Variants in SUN1 observed in about 807,000 individuals in gnomAD.
SUN1 encodes the protein SUN domain-containing protein 1.
Under a neutral mutation model 103.2 loss-of-function variants are expected in SUN1, and 61 were observed. That is an observed-to-expected ratio of 0.59 (90% CI 0.48 to 0.73). SUN1 has a LOEUF of 0.73. SUN1 is among the 30% of genes least tolerant of loss of function. The pLI is 0.00. For missense variants in SUN1, 1,052 were observed against 1,034.6 expected (o/e 1.02, Z -0.23); for synonymous variants, 490 against 425.7 (o/e 1.15, Z -1.86).
At chr7:858,063 A>T (rs1240967832) in intron 13 of SUN1, 106 bp downstream of exon 13, 3 of 1,325,156 alleles carry the variant, frequency 2.3e-6, no homozygotes, top group Non-Finnish European at 3.0e-6. Context: ...TTATTTATTT[A>T]TTTTTGAAAC....
intron 7 of SUN1, 98 bp from the exon 8 acceptor site, chr7:852,511 G>T: frequency 1.5e-5 from 20 of 1,372,442 alleles, no homozygotes; most frequent in Non-Finnish European, 1.9e-5. Flanking sequence ...AATACTGGGG[G>T]GGTGGATTTT....
chr7:837,529 C>T (rs1804650394), intron 1 of SUN1, among the ~76,000 whole-genome samples: 1 of 152,130 alleles, frequency 6.6e-6, no homozygotes, highest in Non-Finnish European at 1.5e-5. Context: ...ACGTTAAGGC[C>T]TAGTGGTCTT....
At chr7:854,853 G>A in intron 10 of SUN1, 67 bp from the exon 11 acceptor site, 1 of 1,203,142 alleles carries the variant, frequency 8.3e-7, no homozygotes, top group Non-Finnish European at 1.2e-6. Context: ...AAACGCCTTG[G>A]CCTGATTTGC....
In SUN1 at chr7:857,761, T is replaced by C. The variant is rs188527669; in HGVS notation, c.1395-67T>C. 484 of 1,454,824 alleles carry C rather than the reference T, an allele frequency of 3.3e-4. 1 individual carries two copies. In the African/African-American group the frequency reaches 6.4e-3, roughly 19 times the overall value. The allele number at this position is 1,454,824 out of a possible 1,614,324, so 90.1% of individuals were successfully genotyped here. ...GTGGGATCGGGTTCCCCTCAGCCTGTGTGTAGTGTGGGAAGCGTATAGGCT... is the reference window on the plus strand; with the variant it reads ...GTGGGATCGGGTTCCCCTCAGCCTGCGTGTAGTGTGGGAAGCGTATAGGCT... On this transcript the variant is annotated intron_variant, in intron 12 of 18. Coordinates refer to ENST00000401592, the MANE Select transcript of SUN1 (RefSeq NM_001130965.3).
chr7:851,855 T>C (rs1298210854), intron 6 of SUN1, 95 bp from the exon 7 acceptor site: 6 of 1,306,400 alleles, frequency 4.6e-6, no homozygotes, highest in Non-Finnish European at 6.5e-6. Flanking sequence ...TTCATCTTCA[T>C]GTGCTTCTAG....
At chr7:820,258 G>A (rs1257701554) in intron 1 of SUN1, among the ~76,000 whole-genome samples, 1 of 152,170 alleles carries the variant, frequency 6.6e-6, no homozygotes, top group African/African-American at 2.4e-5. Flanking sequence ...TTTCAACAAT[G>A]CTTTGTGATT....
chr7:861,316 C>G, intron 14 of SUN1, 64 bp from the exon 15 acceptor site: 1 of 1,567,174 alleles, frequency 6.4e-7, no homozygotes, highest in Non-Finnish European at 8.8e-7. Context: ...ATCCATGGCA[C>G]TAAAACCCAC....
rs771055855 is a variant in SUN1 at position 851,360 on chromosome 7, G to C, written c.659-24G>C. On this transcript the variant is annotated intron_variant, in intron 5 of 18. Transcript: ENST00000401592. ...GGCTGGTCCCTGGCGTCTGTCTGAG[G>C]CCACACACGTCTTCCCTGCACAGGT... is the stretch of plus-strand genomic sequence containing the variant. 5.1e-6 allele frequency: 8 copies of C among 1,561,248 alleles called. No individual in the cohort carries two copies. The East Asian group carries it at 1.4e-4, about 28-fold the overall frequency.
At chr7:817,255 C>G (rs1554259440) in intron 1 of SUN1, 2 of 675,596 alleles carry the variant, frequency 3.0e-6, no homozygotes, top group Non-Finnish European at 2.6e-6. Context: ...CCACCGCGCC[C>G]GGCTGATAGT....
At chr7:869,619 C>A in intron 17 of SUN1, 103 bp downstream of exon 17, 1 of 1,333,180 alleles carries the variant, frequency 7.5e-7, no homozygotes, top group Non-Finnish European at 1.0e-6. Context: ...CCTCCCGCTG[C>A]CCCTCCGCCC....
At chr7:839,419 C>G (rs1806822912) in intron 2 of SUN1, among the ~76,000 whole-genome samples, 1 of 152,266 alleles carries the variant, frequency 6.6e-6, no homozygotes, top group Non-Finnish European at 1.5e-5. Context: ...GAGTCTCGCT[C>G]TGTCGCCCAG....
At chr7:815,979 T>G, upstream of SUN1, 1 of 193,608 alleles carries the variant, frequency 5.2e-6, no homozygotes, top group Non-Finnish European at 1.1e-5. Context: ...CAGCTGCCCC[T>G]CCCCCAAGAC....
chr7:817,650 A>G (rs1037520246), intron 1 of SUN1, among the ~76,000 whole-genome samples: 5 of 152,182 alleles, frequency 3.3e-5, no homozygotes, highest in Non-Finnish European at 5.9e-5. Flanking sequence ...TCTAATTGCT[A>G]AAGCTTTGTA....
In SUN1 at chr7:841,817, A is replaced by G. The variant is rs1247867244; in HGVS notation, c.267-129A>G. On this transcript the variant is annotated intron_variant, in intron 2 of 18. Coordinates refer to ENST00000401592, the MANE Select transcript of SUN1 (RefSeq NM_001130965.3). ...TAACAGTTGATTCATTACAGCAGAA[A>G]AGGCATAGGAAAATGGTTTGCCTTA... 3.2e-6 allele frequency: 3 copies of G among 935,288 alleles called. No homozygotes were observed. In the African/African-American group the frequency reaches 5.0e-5, roughly 16 times the overall value. The allele number at this position is 935,288 out of a possible 1,614,324, so 57.9% of individuals were successfully genotyped here.
intron 1 of SUN1, among the ~76,000 whole-genome samples, chr7:826,895 GT>G (rs1378828916): frequency 4.6e-5 from 7 of 152,204 alleles, no homozygotes; most frequent in African/African-American, 1.7e-4. Flanking sequence ...GACGGTTGCT[GT>G]TTATAGGCTG....
intron 17 of SUN1, among the ~76,000 whole-genome samples, chr7:870,025 C>G (rs1840273569): frequency 6.8e-6 from 1 of 147,580 alleles, no homozygotes; most frequent in East Asian, 2.0e-4. Flanking sequence ...GAAACCGCGT[C>G]TCTACTAAAA....
chr7:826,304 T>C (rs73669688), intron 1 of SUN1, among the ~76,000 whole-genome samples: 9 of 14,086 alleles, frequency 6.4e-4, no homozygotes, highest in Admixed American at 9.7e-4. Context: ...TTGACAACCC[T>C]GGTCTGGGGT....
chr7:842,416 A>G (rs899932483), intron 3 of SUN1: 8 of 394,594 alleles, frequency 2.0e-5, no homozygotes, highest in African/African-American at 1.2e-4. Flanking sequence ...ACTAGTTCCA[A>G]TGGGGAGATG....
chr7:854,836 C>G (rs1043813119), intron 10 of SUN1, 84 bp from the exon 11 acceptor site: 1 of 916,086 alleles, frequency 1.1e-6, no homozygotes, highest in African/African-American at 1.7e-5. Context: ...GTCGGTATTC[C>G]GTGTAGAAAC....
Sources: gnomAD v4.1 joint callset for allele counts (sites outside exome capture counted in the v4.1 genomes callset) on GRCh38, gnomAD v4.1.1 for gene constraint, MANE v1.5 for transcripts, NCBI Gene and HGNC (gene_info 2026-07-23, HGNC 2026-07-21) for gene names.